TATDN1: variants seen among roughly 807,000 people sequenced by gnomAD.
TATDN1 encodes TatD DNase domain containing 1, also known as deoxyribonuclease TATDN1.
In TATDN1, 40 loss-of-function variants were observed where a neutral mutation model predicts 46.4. That is an observed-to-expected ratio of 0.86 (90% confidence interval 0.67 to 1.12). TATDN1 has a LOEUF of 1.12. Ranked by LOEUF, TATDN1 falls within the 50% of genes most tolerant of loss-of-function variation. The pLI, the probability that TATDN1 is intolerant of heterozygous loss-of-function variation, is 0.00. For missense variants in TATDN1, 326 were observed against 348.4 expected (o/e 0.94, Z 0.51); for synonymous variants, 95 against 105.6 (o/e 0.90, Z 0.62).
chr8:124,515,022 T>A (rs770128141), intron 6 of TATDN1, among the ~76,000 whole-genome samples: 5 of 152,156 alleles, frequency 3.3e-5, no homozygotes, highest in Non-Finnish European at 5.9e-5. Flanking sequence ...ACTCTTGAGC[T>A]CAAGCAATTC....
At chr8:124,489,295 C>T (rs1456937954) in intron 11 of TATDN1, 2 of 152,258 alleles carry the variant, frequency 1.3e-5, no homozygotes, top group African/African-American at 2.4e-5. Context: ...TGTACCTCTA[C>T]CCTTGCGAGA....
At chr8:124,498,011 C>G (rs1817631316) in intron 9 of TATDN1, among the ~76,000 whole-genome samples, 1 of 152,176 alleles carries the variant, frequency 6.6e-6, no homozygotes, top group South Asian at 2.1e-4. Context: ...TTTTAGCATT[C>G]TGTTCATATT....
chr8:124,524,621 A>C (rs929944089), intron 1 of TATDN1, among the ~76,000 whole-genome samples: 3 of 152,190 alleles, frequency 2.0e-5, no homozygotes, highest in African/African-American at 7.2e-5. Context: ...AGTGTTAAGC[A>C]AACAATTATT....
chr8:124,525,392 C>G (rs781203150), intron 1 of TATDN1, among the ~76,000 whole-genome samples: 5 of 152,046 alleles, frequency 3.3e-5, no homozygotes, highest in Admixed American at 2.0e-4. Context: ...GGAGCTCCAC[C>G]CACCTTGGCC....
At chr8:124,507,023 G>A (rs997401049) in intron 8 of TATDN1, among the ~76,000 whole-genome samples, 3 of 152,040 alleles carry the variant, frequency 2.0e-5, no homozygotes, top group East Asian at 1.9e-4. Context: ...TTAGCTGGAC[G>A]TGGTGGTGTG....
intron 1 of TATDN1, among the ~76,000 whole-genome samples, chr8:124,529,928 C>T (rs1401927450): frequency 1.3e-5 from 2 of 152,058 alleles, no homozygotes; most frequent in Non-Finnish European, 2.9e-5. Flanking sequence ...CCAGTCTCTA[C>T]TAAAAATACA....
At chr8:124,531,086 G>A (rs1820912034) in intron 1 of TATDN1, among the ~76,000 whole-genome samples, 2 of 152,096 alleles carry the variant, frequency 1.3e-5, no homozygotes, top group African/African-American at 4.8e-5. Flanking sequence ...CACCAAGCTG[G>A]AGGTGGTAAT....
At chr8:124,510,923 C>T (rs891954153) in intron 6 of TATDN1, among the ~76,000 whole-genome samples, 2 of 152,024 alleles carry the variant, frequency 1.3e-5, no homozygotes, top group Admixed American at 6.6e-5. Context: ...ATGCTAGCTA[C>T]GTATCATAAA....
intron 3 of TATDN1, 96 bp downstream of exon 3, chr8:124,522,055 G>T: frequency 1.4e-6 from 1 of 734,906 alleles, no homozygotes; most frequent in South Asian, 1.7e-5. Flanking sequence ...CCCAACTGTG[G>T]CATTGGTTTG....
rs112001642 is a variant in TATDN1, at chr8:124,488,760, T to C, written c.792-64A>G. 1,890 of 983,066 alleles carry C rather than the reference T, an allele frequency of 1.9e-3. 21 individuals carry two copies. In the African/African-American group the frequency reaches 0.026, roughly 14 times the overall value. The allele number at this position is 983,066 out of a possible 1,614,324, so 60.9% of individuals were successfully genotyped here. ...GTATACATTTAGTTCTAAAGCTATA[T>C]AATATTTTTCCACACAAAGGAAAAT... On this transcript the variant is annotated intron_variant, in intron 11 of 11. Transcript: ENST00000276692.
At position 124,515,802 on chromosome 8, in the gene TATDN1, A is replaced by C. The variant is rs1294700574; in HGVS notation, c.347-14T>G. The C allele has an allele frequency of 9.9e-6, 16 of 1,613,730 alleles. No individual in the cohort carries two copies. Among genetic ancestry groups the C allele is most frequent in the Non-Finnish European group, 1.3e-5 (15 of 1,179,740 alleles). On this transcript the variant is annotated splice_polypyrimidine_tract_variant and intron_variant, in intron 5 of 11. Coordinates refer to ENST00000276692, the MANE Select transcript of TATDN1 (RefSeq NM_032026.4). ...GTCGGTCAAAATCTTTAAAAAGATA[A>C]AGAAGAATAATTACTCCTAACTTAT... is the stretch of plus-strand genomic sequence containing the variant.
intron 11 of TATDN1, among the ~76,000 whole-genome samples, chr8:124,491,996 T>C (rs1365945479): frequency 1.4e-5 from 2 of 146,770 alleles, no homozygotes; most frequent in Non-Finnish European, 3.0e-5. Context: ...TTTTTTGAGA[T>C]GTATTTTCAC....
intron 1 of TATDN1, among the ~76,000 whole-genome samples, chr8:124,535,770 TC>T (rs919036151): frequency 6.6e-5 from 10 of 152,238 alleles, no homozygotes; most frequent in Admixed American, 5.9e-4. Context: ...GGCTCATGGT[TC>T]TGCAGGTTGT....
intron 8 of TATDN1, chr8:124,504,565 C>T (rs989113024): frequency 1.0e-4 from 35 of 336,248 alleles, no homozygotes; most frequent in African/African-American, 6.2e-4. Flanking sequence ...CGTTAGCTGC[C>T]GAGAATTTCT....
intron 6 of TATDN1, among the ~76,000 whole-genome samples, chr8:124,509,324 T>C (rs1586610924): frequency 1.3e-5 from 2 of 152,200 alleles, no homozygotes; most frequent in East Asian, 3.8e-4. Flanking sequence ...AAGATAACAA[T>C]ACCTGGCATG....
chr8:124,535,972 T>A (rs760854831), intron 1 of TATDN1, among the ~76,000 whole-genome samples: 1 of 152,154 alleles, frequency 6.6e-6, no homozygotes, highest in African/African-American at 2.4e-5. Context: ...CACCTCAACA[T>A]TGGAGAGCAA....
chr8:124,529,215 A>G (rs1820753168), intron 1 of TATDN1, among the ~76,000 whole-genome samples: 2 of 152,212 alleles, frequency 1.3e-5, no homozygotes, highest in Admixed American at 1.3e-4. Context: ...AGTGCACTCA[A>G]TAAAAGATTC....
intron 8 of TATDN1, among the ~76,000 whole-genome samples, chr8:124,505,408 A>G (rs6989097): frequency 0.087 from 13,209 of 151,732 alleles, 641 homozygotes; most frequent in East Asian, 0.16. Context: ...AAACAAAAAA[A>G]GAGACAAGGC....
At chr8:124,529,398 T>C (rs746340942) in intron 1 of TATDN1, among the ~76,000 whole-genome samples, 1 of 152,172 alleles carries the variant, frequency 6.6e-6, no homozygotes. Flanking sequence ...ACAGACCTTT[T>C]AGTTTAATAA....
Sources: allele counts gnomAD v4.1 joint callset (sites outside exome capture counted in the v4.1 genomes callset), GRCh38; gene constraint gnomAD v4.1.1; transcripts MANE v1.5; gene names NCBI Gene and HGNC (gene_info 2026-07-23, HGNC 2026-07-21).